Variants in ADAMTS18 observed in about 807,000 individuals in gnomAD.
The protein encoded by ADAMTS18 is ADAM metallopeptidase with thrombospondin type 1 motif 18, also known as A disintegrin and metalloproteinase with thrombospondin motifs 18.
A neutral mutation model predicts 165.9 loss-of-function variants in ADAMTS18; 157 were observed. The observed-to-expected ratio is 0.95, with a 90% confidence interval of 0.83 to 1.08. ADAMTS18 has a LOEUF of 1.08. ADAMTS18 is among the 50% of genes least tolerant of loss of function. ADAMTS18 has a pLI of 0.00. For synonymous variants in ADAMTS18, 782 were observed against 578.2 expected (o/e 1.35, Z -5.06); for missense variants, 2,040 against 1,534.0 (o/e 1.33, Z -5.51).
intron 3 of ADAMTS18, among the ~76,000 whole-genome samples, chr16:77,410,486 T>G (rs555921244): frequency 6.0e-4 from 92 of 152,212 alleles, no homozygotes; most frequent in Non-Finnish European, 1.0e-3. Context: ...GCACTCCAAA[T>G]AAGGCCTATG....
At chr16:77,314,753 C>CATATAGAT (rs2055852219) in intron 16 of ADAMTS18, among the ~76,000 whole-genome samples, 1 of 36,902 alleles carries the variant, frequency 2.7e-5, no homozygotes, top group African/African-American at 1.1e-4. Flanking sequence ...TCTCAGGTTT[C>CATATAGAT]ATATATATAT....
In ADAMTS18 at chr16:77,434,929, G is replaced by C; in HGVS notation, c.-234C>G. 1 of 381,626 alleles carries C rather than the reference G, an allele frequency of 2.6e-6. No homozygotes were observed. The highest frequency in any genetic ancestry group is 4.6e-6 in the Non-Finnish European group (1 of 216,978). 23.6% of individuals were successfully genotyped at this position (381,626 alleles called of 1,614,324 possible). On this transcript the variant is annotated 5_prime_UTR_variant, in exon 1 of 23. Transcript: ENST00000282849. ...CCGAGCTGCAGTTTGCGGCACCCCA[G>C]AGGGTACGGGGGGCTCCCTGGGCCG... is the stretch of plus-strand genomic sequence containing the variant.
chr16:77,321,694 T>C (rs1046099654), intron 14 of ADAMTS18, among the ~76,000 whole-genome samples: 1 of 152,230 alleles, frequency 6.6e-6, no homozygotes. Flanking sequence ...GTAAAGGTAC[T>C]TAGTACACAT....
At chr16:77,337,967 G>C (rs575161065) in intron 11 of ADAMTS18, among the ~76,000 whole-genome samples, 1 of 149,352 alleles carries the variant, frequency 6.7e-6, no homozygotes, top group Non-Finnish European at 1.5e-5. Context: ...GCAGTGGTGC[G>C]ATCTCGGCTC....
chr16:77,408,825 C>T (rs1427630120), intron 3 of ADAMTS18, among the ~76,000 whole-genome samples: 2 of 152,072 alleles, frequency 1.3e-5, no homozygotes, highest in African/African-American at 4.8e-5. Context: ...TAGCTGTATA[C>T]AACAGTTCCT....
intron 16 of ADAMTS18, 29 bp downstream of exon 16, chr16:77,319,820 T>G (rs1311768022): frequency 1.2e-6 from 2 of 1,613,822 alleles, no homozygotes; most frequent in East Asian, 2.2e-5. Flanking sequence ...CAAGAAGCAC[T>G]GAGAACTGAA....
Position 77,319,910 on chromosome 16 carries a change from G to A in ADAMTS18, c.2471C>T (p.Ser824Phe), listed in dbSNP as rs572975589. The change falls in exon 16 of 23, where the codon TCT becomes TTT. Residue 824 changes from serine to phenylalanine, a missense_variant. By Grantham distance (155) the Ser-to-Phe change is radical (BLOSUM62 -2). Coordinates refer to ENST00000282849, the MANE Select transcript of ADAMTS18 (RefSeq NM_199355.4). ...FAGTTFEYQR[S>F]FNRPERLYAP... is the part of the protein sequence containing the mutation. ...GTACAGACGTTCCGGGCGGTTGAAA[G>A]AGCGCTGGTATTCAAACGTGGTCCC... 2 of 1,614,134 alleles carry A rather than the reference G, an allele frequency of 1.2e-6. No individual in the cohort carries two copies. The highest frequency in any genetic ancestry group is 2.2e-5 in the East Asian group (1 of 44,872).
chr16:77,422,260 A>G (rs550453398), intron 3 of ADAMTS18, among the ~76,000 whole-genome samples: 2 of 152,072 alleles, frequency 1.3e-5, no homozygotes, highest in Non-Finnish European at 2.9e-5. Flanking sequence ...TCTCAGCCCC[A>G]CATACTTCTT....
intron 2 of ADAMTS18, 111 bp from the exon 3 acceptor site, chr16:77,431,722 A>G (rs1350655701): frequency 9.8e-6 from 11 of 1,123,092 alleles, no homozygotes; most frequent in South Asian, 6.2e-5. Flanking sequence ...CTTTGTTCCT[A>G]TTGCCTTGCA....
intron 3 of ADAMTS18, among the ~76,000 whole-genome samples, chr16:77,375,867 T>TTA (rs2056942792): frequency 6.6e-6 from 1 of 151,232 alleles, no homozygotes; most frequent in South Asian, 2.1e-4. Flanking sequence ...GCAAAGGGTT[T>TTA]TATGTCGTTT....
chr16:77,334,850 A>ACTACT (rs779903031), intron 12 of ADAMTS18, among the ~76,000 whole-genome samples: 1 of 126,526 alleles, frequency 7.9e-6, no homozygotes. Flanking sequence ...CAGTATATAT[A>ACTACT]ATATACTATA....
chr16:77,358,849 A>G (rs1412246348), intron 8 of ADAMTS18, among the ~76,000 whole-genome samples: 1 of 152,234 alleles, frequency 6.6e-6, no homozygotes, highest in Non-Finnish European at 1.5e-5. Flanking sequence ...TGTCTCCATC[A>G]TAAAAGGAAG....
Position 77,325,918 on chromosome 16 carries a change from G to C in ADAMTS18, c.1980C>G (p.Ser660Arg), listed in dbSNP as rs746367773. 6 of 1,614,024 alleles carry C rather than the reference G, an allele frequency of 3.7e-6. No individual in the cohort carries two copies. Among genetic ancestry groups the C allele is most frequent in the South Asian group, 1.1e-5 (1 of 91,066 alleles). Reference protein sequence around the residue: ...FRAQQCAEYNSKPFRGWFYQW... With the variant: ...FRAQQCAEYNRKPFRGWFYQW... ...GGTAGAACCATCCACGGAAAGGTTT[G>C]CTGTTATATTCTGCACACTGTTGAG... is the stretch of plus-strand genomic sequence containing the variant. Residue 660 changes from serine to arginine, a missense_variant, in exon 13 of 23, where the codon AGC becomes AGG. Physicochemically the swap from Ser to Arg is moderately radical, Grantham distance 110 (BLOSUM62 -1). Coordinates refer to ENST00000282849, the MANE Select transcript of ADAMTS18 (RefSeq NM_199355.4).
At chr16:77,360,828 C>T (rs1004646232) in intron 7 of ADAMTS18, among the ~76,000 whole-genome samples, 13 of 152,142 alleles carry the variant, frequency 8.5e-5, no homozygotes, top group Admixed American at 6.6e-4. Flanking sequence ...GGCTCATGCC[C>T]GTAATCCCAG....
chr16:77,334,919 A>G (rs1234532281), intron 12 of ADAMTS18, among the ~76,000 whole-genome samples: 5 of 139,044 alleles, frequency 3.6e-5, no homozygotes, highest in East Asian at 4.1e-4. Context: ...ACATTATAGT[A>G]TATAGTATAT....
At chr16:77,319,327 A>C (rs1030589064) in intron 16 of ADAMTS18, among the ~76,000 whole-genome samples, 16 of 152,170 alleles carry the variant, frequency 1.1e-4, no homozygotes, top group Admixed American at 9.2e-4. Context: ...TGACCTCTAA[A>C]TATGAAAATC....
At chr16:77,344,194 G>C (rs897989222) in intron 10 of ADAMTS18, among the ~76,000 whole-genome samples, 1 of 144,788 alleles carries the variant, frequency 6.9e-6, no homozygotes, top group Middle Eastern at 3.5e-3. Context: ...CAGTAATTTT[G>C]GTCTTGTAGA....
chr16:77,313,334 AC>A (rs1194736087), intron 16 of ADAMTS18, among the ~76,000 whole-genome samples: 17 of 152,022 alleles, frequency 1.1e-4, no homozygotes, highest in African/African-American at 3.9e-4. Context: ...TAGGAGATAT[AC>A]CTAACGTAAA....
intron 22 of ADAMTS18, among the ~76,000 whole-genome samples, chr16:77,287,708 G>T (rs1024022562): frequency 1.3e-5 from 2 of 152,070 alleles, no homozygotes; most frequent in African/African-American, 4.8e-5. Context: ...CGGACCTCAG[G>T]TGATCCACCC....
Sources: allele counts gnomAD v4.1 joint callset (sites outside exome capture counted in the v4.1 genomes callset), GRCh38; gene constraint gnomAD v4.1.1; transcripts MANE v1.5; gene names NCBI Gene and HGNC (gene_info 2026-07-23, HGNC 2026-07-21).